DYSF: variants seen among roughly 807,000 people sequenced by gnomAD.
The protein encoded by DYSF is dystrophy-associated fer-1-like 1.
In DYSF, 212 loss-of-function variants were observed where a neutral mutation model predicts 274.9. The ratio of observed to expected loss-of-function variants is 0.77; its 90% CI spans 0.69 to 0.86. DYSF has a LOEUF of 0.86. DYSF is among the 40% of genes least tolerant of loss of function. The pLI is 0.00. For synonymous variants in DYSF, 1,091 were observed against 1,078.7 expected (o/e 1.01, Z -0.22); for missense variants, 2,666 against 2,783.2 (o/e 0.96, Z 0.95).
intron 22 of DYSF, among the ~76,000 whole-genome samples, chr2:71,557,572 G>A (rs1162681568): frequency 6.6e-6 from 1 of 152,086 alleles, no homozygotes; most frequent in African/African-American, 2.4e-5. Context: ...ACCAGGGGAG[G>A]GGAGACTGGA....
At chr2:71,620,429 C>A in intron 40 of DYSF, 118 bp from the exon 41 acceptor site, 2 of 1,073,392 alleles carry the variant, frequency 1.9e-6, no homozygotes, top group South Asian at 1.3e-5. Flanking sequence ...AGCACATGTT[C>A]TCCCTGGAGG....
intron 39 of DYSF, 55 bp downstream of exon 39, chr2:71,612,861 G>A: frequency 6.4e-7 from 1 of 1,573,056 alleles, no homozygotes; most frequent in Non-Finnish European, 8.7e-7. Context: ...TCAGGGCCAA[G>A]CTACCCTTCC....
At position 71,511,735 on chromosome 2, in the gene DYSF, CAG is replaced by C. The variant is rs1438126448; in HGVS notation, c.346-71_346-70del. ...TTCCTTGGTGGAGGGATGCCAGAAACAGGGAAGATACTGGAGGGCAGTGGTCC... is the reference window on the plus strand; with the variant it reads ...TTCCTTGGTGGAGGGATGCCAGAAACGGAAGATACTGGAGGGCAGTGGTCC... On this transcript the variant is annotated intron_variant, in intron 4 of 55. Transcript: ENST00000410020. 3 of 958,620 alleles carry C rather than the reference CAG, an allele frequency of 3.1e-6. No homozygotes were observed. The Admixed American group carries it at 6.0e-5, about 19-fold the overall frequency. The allele number at this position is 958,620 out of a possible 1,614,324, so 59.4% of individuals were successfully genotyped here.
chr2:71,457,571 G>A (rs958322005), intron 1 of DYSF, among the ~76,000 whole-genome samples: 2 of 152,150 alleles, frequency 1.3e-5, no homozygotes, highest in African/African-American at 2.4e-5. Flanking sequence ...CTCTCATCAC[G>A]TGCGTGGTCC....
At chr2:71,664,046 G>A (rs183972169) in intron 45 of DYSF, among the ~76,000 whole-genome samples, 3 of 152,328 alleles carry the variant, frequency 2.0e-5, no homozygotes, top group Admixed American at 2.0e-4. Context: ...GCAGGCACTT[G>A]CCTTATGCCC....
chr2:71,543,461 C>T (rs1183793645), intron 17 of DYSF, among the ~76,000 whole-genome samples: 6 of 152,106 alleles, frequency 3.9e-5, no homozygotes, highest in Non-Finnish European at 7.4e-5. Flanking sequence ...GACGGGGTGG[C>T]GGCCGGGCAG....
At chr2:71,568,912 G>A (rs370434844) in intron 26 of DYSF, among the ~76,000 whole-genome samples, 4 of 146,286 alleles carry the variant, frequency 2.7e-5, no homozygotes, top group South Asian at 2.2e-4. Flanking sequence ...TCGCTCGGTC[G>A]CCCAGGCTGG....
intron 3 of DYSF, among the ~76,000 whole-genome samples, chr2:71,487,668 C>T (rs1419452631): frequency 6.6e-6 from 1 of 152,170 alleles, no homozygotes; most frequent in Admixed American, 6.5e-5. Context: ...ACCATCTCAC[C>T]TGGCTAGTTT....
At chr2:71,570,427 G>A (rs1351204007) in intron 28 of DYSF, 93 bp downstream of exon 28, 5 of 1,462,522 alleles carry the variant, frequency 3.4e-6, no homozygotes, top group Non-Finnish European at 4.8e-6. Flanking sequence ...CCTTCACTGG[G>A]CTATTTCACC....
intron 1 of DYSF, among the ~76,000 whole-genome samples, chr2:71,457,995 A>C (rs984602627): frequency 7.2e-5 from 11 of 152,306 alleles, no homozygotes; most frequent in African/African-American, 2.6e-4. Context: ...GTCACAGTCC[A>C]GTGGGATAAC....
At chr2:71,554,081 G>C in intron 21 of DYSF, 150 bp downstream of exon 21, 1 of 1,179,558 alleles carries the variant, frequency 8.5e-7, no homozygotes, top group Non-Finnish European at 1.2e-6. Flanking sequence ...TCTGTGCCTT[G>C]GCAATACCAG....
chr2:71,617,071 A>G (rs1365808385), intron 40 of DYSF, among the ~76,000 whole-genome samples: 2 of 152,000 alleles, frequency 1.3e-5, no homozygotes, highest in Non-Finnish European at 2.9e-5. Context: ...CAGAAATCGC[A>G]CCTTTGAGGC....
chr2:71,685,649 G>C (rs905025292), intron 55 of DYSF, among the ~76,000 whole-genome samples: 2 of 152,190 alleles, frequency 1.3e-5, no homozygotes, highest in African/African-American at 4.8e-5. Context: ...GGGGTATGAG[G>C]GGGCAGCCTG....
At chr2:71,494,029 A>G (rs1261421339) in intron 3 of DYSF, among the ~76,000 whole-genome samples, 2 of 152,174 alleles carry the variant, frequency 1.3e-5, no homozygotes, top group African/African-American at 4.8e-5. Flanking sequence ...ATGTTCTTGC[A>G]GAAGTGTTTT....
chr2:71,638,754 C>A (rs2094444764), intron 41 of DYSF, among the ~76,000 whole-genome samples: 1 of 152,162 alleles, frequency 6.6e-6, no homozygotes, highest in South Asian at 2.1e-4. Flanking sequence ...CTGAGTCTTT[C>A]CACCCTTTAG....
chr2:71,641,336 G>A (rs1000890951), intron 41 of DYSF, among the ~76,000 whole-genome samples: 3 of 151,168 alleles, frequency 2.0e-5, no homozygotes, highest in Non-Finnish European at 3.0e-5. Flanking sequence ...CCGCCACCAC[G>A]CCCGGCTAAT....
At chr2:71,678,938 A>G (rs1395928800) in intron 52 of DYSF, 119 bp from the exon 53 acceptor site, 5 of 881,624 alleles carry the variant, frequency 5.7e-6, no homozygotes, top group African/African-American at 3.3e-5. Flanking sequence ...TGGCTCGGCC[A>G]TGGATAGAAG....
intron 43 of DYSF, among the ~76,000 whole-genome samples, chr2:71,657,187 C>T (rs867968671): frequency 6.6e-6 from 1 of 152,168 alleles, no homozygotes; most frequent in African/African-American, 2.4e-5. Context: ...TTACAGGGCT[C>T]ATGCAAGTCT....
chr2:71,510,020 C>T (rs562406924), intron 4 of DYSF, among the ~76,000 whole-genome samples: 153 of 152,288 alleles, frequency 1.0e-3, no homozygotes, highest in African/African-American at 3.4e-3. Flanking sequence ...TCAAGAGATC[C>T]GCCTGGCTCG....
Sources: allele counts gnomAD v4.1 joint callset (sites outside exome capture counted in the v4.1 genomes callset), GRCh38; gene constraint gnomAD v4.1.1; transcripts MANE v1.5; gene names NCBI Gene and HGNC (gene_info 2026-07-23, HGNC 2026-07-21).